The following GRID2 variants were observed in gnomAD, a reference collection of about 807,000 sequenced individuals.
The protein encoded by GRID2 is glutamate ionotropic receptor delta type subunit 2.
In GRID2, 33 loss-of-function variants were observed where a neutral mutation model predicts 114.8. The observed-to-expected ratio is 0.29, with a 90% CI of 0.22 to 0.38. The LOEUF (loss-of-function observed/expected upper bound fraction) is 0.38, where lower values mean the gene tolerates loss of function less well. Ranked by LOEUF, GRID2 falls within the 10% of genes least tolerant of loss-of-function variation. The pLI is 1.00. For synonymous variants in GRID2, 505 were observed against 449.9 expected (o/e 1.12, Z -1.55); for missense variants, 1,184 against 1,257.7 (o/e 0.94, Z 0.89).
Position 92,342,899 on chromosome 4 carries a change from A to T in GRID2, c.88+38155A>T, listed in dbSNP as rs557159620. On this transcript the variant is annotated intron_variant, in intron 1 of 15. Coordinates refer to ENST00000282020, the MANE Select transcript of GRID2 (RefSeq NM_001510.4). ...GTTGACAACCTATAGAAAGATAAGG[A>T]TCTCGGTCCCGTGTGTTCACTGTGT... Among the ~76,000 whole-genome samples the T allele has an allele frequency of 3.3e-5, 5 of 152,254 alleles. No homozygotes were observed. The South Asian group carries it at 1.0e-3, about 32-fold the overall frequency.
At chr4:92,732,093 A>G (rs1056668368) in intron 2 of GRID2, among the ~76,000 whole-genome samples, 1 of 152,026 alleles carries the variant, frequency 6.6e-6, no homozygotes, top group Non-Finnish European at 1.5e-5. Context: ...TCCACTTTAC[A>G]GTGACATACA....
At chr4:93,234,528 T>C (rs1746531003) in intron 7 of GRID2, among the ~76,000 whole-genome samples, 1 of 152,100 alleles carries the variant, frequency 6.6e-6, no homozygotes, top group South Asian at 2.1e-4. Context: ...TGAATGACTA[T>C]TTGAGTGTAT....
chr4:93,238,614 G>A, intron 8 of GRID2, 124 bp downstream of exon 8: 1 of 655,956 alleles, frequency 1.5e-6, no homozygotes, highest in South Asian at 2.4e-5. Flanking sequence ...AGAAAGCAGG[G>A]GGTGAGGGGA....
chr4:92,536,302 G>A (rs973599930), intron 1 of GRID2, among the ~76,000 whole-genome samples: 3 of 151,938 alleles, frequency 2.0e-5, no homozygotes, highest in African/African-American at 7.3e-5. Context: ...GTGCTGATTG[G>A]TGTGTTTACA....
chr4:93,022,993 G>A (rs1275033115), intron 2 of GRID2, among the ~76,000 whole-genome samples: 1 of 151,824 alleles, frequency 6.6e-6, no homozygotes, highest in African/African-American at 2.4e-5. Flanking sequence ...ACAAAGGCCA[G>A]TAAAGAATGT....
In GRID2 at chr4:93,741,728, A is replaced by T. The variant is rs1731436400; in HGVS notation, c.2361-27482A>T. Among the ~76,000 whole-genome samples, 3 of 152,254 alleles carry T rather than the reference A, an allele frequency of 2.0e-5. No homozygotes were observed. In the South Asian group the frequency reaches 6.2e-4, roughly 32 times the overall value. On this transcript the variant is annotated intron_variant, in intron 14 of 15. Transcript: ENST00000282020. ...CTCCTGAGGTCAGGAGTTCGAGACC[A>T]GCCTGGCTAACATGGTGAAACCCCA...
intron 2 of GRID2, among the ~76,000 whole-genome samples, chr4:92,762,650 G>A (rs904443822): frequency 6.6e-6 from 1 of 152,126 alleles, no homozygotes; most frequent in Admixed American, 6.5e-5. Context: ...TCAAAAAGTT[G>A]TATGCAGAGT....
intron 1 of GRID2, among the ~76,000 whole-genome samples, chr4:92,570,607 T>C (rs1727561858): frequency 6.6e-6 from 1 of 152,114 alleles, no homozygotes; most frequent in African/African-American, 2.4e-5. Context: ...TTTTTCCATT[T>C]GTTTGTGTCA....
chr4:93,028,448 A>G lies in GRID2; in HGVS notation c.245-56547A>G, dbSNP rs529305392. On this transcript the variant is annotated intron_variant, in intron 2 of 15. Transcript: ENST00000282020. The stretch of plus-strand genomic sequence containing the variant: ...CAGGGTAGTAAGAAATGAGACCGGA[A>G]AGAGTTCCAAAAGGTAAATTACCTA... 4.6e-5 allele frequency among the ~76,000 whole-genome samples: 7 copies of G among 152,192 alleles called. No individual in the cohort carries two copies. In the South Asian group the frequency reaches 1.5e-3, roughly 32 times the overall value.
At chr4:92,370,715 G>A (rs559909962) in intron 1 of GRID2, among the ~76,000 whole-genome samples, 1 of 152,294 alleles carries the variant, frequency 6.6e-6, no homozygotes, top group South Asian at 2.1e-4. Flanking sequence ...AGCTTAGTGA[G>A]GAAGGCATAT....
At chr4:92,450,195 C>T (rs933640681) in intron 1 of GRID2, among the ~76,000 whole-genome samples, 1 of 151,938 alleles carries the variant, frequency 6.6e-6, no homozygotes, top group Non-Finnish European at 1.5e-5. Flanking sequence ...ATAATAATGT[C>T]ATATTTTCAT....
intron 13 of GRID2, among the ~76,000 whole-genome samples, chr4:93,559,490 G>A (rs191716606): frequency 5.3e-5 from 8 of 152,198 alleles, no homozygotes; most frequent in East Asian, 1.9e-4. Flanking sequence ...GCTCATCATC[G>A]TTGGTCATTG....
chr4:93,134,018 A>G (rs750958246), intron 4 of GRID2, among the ~76,000 whole-genome samples: 19 of 152,184 alleles, frequency 1.2e-4, no homozygotes, highest in Non-Finnish European at 2.1e-4. Context: ...TTTAATTAGC[A>G]TCTAATGCAG....
chr4:93,128,496 T>C (rs976814255), intron 4 of GRID2, among the ~76,000 whole-genome samples: 8 of 152,202 alleles, frequency 5.3e-5, no homozygotes, highest in African/African-American at 1.9e-4. Flanking sequence ...TCACTCAATA[T>C]GCTGAATGTG....
chr4:93,013,559 A>G (rs1223150507), intron 2 of GRID2, among the ~76,000 whole-genome samples: 1 of 151,974 alleles, frequency 6.6e-6, no homozygotes, highest in Non-Finnish European at 1.5e-5. Context: ...TTAGGGGGTT[A>G]TGTATTAAAT....
At position 93,238,385 on chromosome 4, in the gene GRID2, G is replaced by A. The variant is rs371304396; in HGVS notation, c.1140G>A (p.Gly380=). ...LETIKKGGVS[G]LTGELEFGEN... is the part of the protein sequence containing the mutation. ...CTCTCCTTTAGGGTGGAGTTAGTGG[G>A]TTGACTGGAGAGCTAGAATTTGGAG... is the stretch of plus-strand genomic sequence containing the variant. Residue 380 remains glycine, a synonymous_variant, in exon 8 of 16, where the codon GGG becomes GGA. Transcript: ENST00000282020. The A allele has an allele frequency of 5.6e-6, 9 of 1,605,266 alleles. No homozygotes were observed. Among genetic ancestry groups the A allele is most frequent in the South Asian group, 5.5e-5 (5 of 90,860 alleles).
intron 1 of GRID2, among the ~76,000 whole-genome samples, chr4:93,784,227 G>C (rs1203116508): frequency 1.3e-5 from 2 of 151,946 alleles, no homozygotes; most frequent in East Asian, 3.9e-4. Flanking sequence ...AGTCTCCCAA[G>C]CTTCACTCTT....
chr4:93,700,634 C>A (rs1727427200), intron 14 of GRID2, among the ~76,000 whole-genome samples: 1 of 152,156 alleles, frequency 6.6e-6, no homozygotes, highest in Admixed American at 6.5e-5. Context: ...TTTCTCACTA[C>A]AAGCTCTGTC....
intron 8 of GRID2, among the ~76,000 whole-genome samples, chr4:93,387,333 G>A (rs1764416694): frequency 6.6e-6 from 1 of 152,116 alleles, no homozygotes; most frequent in African/African-American, 2.4e-5. Flanking sequence ...TCCAGAGTTA[G>A]GTAATATCAT....
Sources: gnomAD v4.1 joint callset for allele counts (sites outside exome capture counted in the v4.1 genomes callset) on GRCh38, gnomAD v4.1.1 for gene constraint, MANE v1.5 for transcripts, NCBI Gene and HGNC (gene_info 2026-07-23, HGNC 2026-07-21) for gene names.